Variants in SLC12A8 observed in about 807,000 individuals in gnomAD.
SLC12A8 encodes the protein solute carrier family 12 member 8.
A neutral mutation model predicts 75.6 loss-of-function variants in SLC12A8; 69 were observed. The ratio of observed to expected loss-of-function variants is 0.91; its 90% CI spans 0.75 to 1.11. The LOEUF (loss-of-function observed/expected upper bound fraction) is 1.11, where lower values mean the gene tolerates loss of function less well. Ranked by LOEUF, SLC12A8 falls within the 50% of genes most tolerant of loss-of-function variation. The pLI is 0.00. For missense variants in SLC12A8, 877 were observed against 896.7 expected (o/e 0.98, Z 0.28); for synonymous variants, 365 against 372.8 (o/e 0.98, Z 0.24).
intron 8 of SLC12A8, among the ~76,000 whole-genome samples, chr3:125,111,977 T>C (rs1325816023): frequency 6.6e-6 from 1 of 152,170 alleles, no homozygotes; most frequent in African/African-American, 2.4e-5. Context: ...GGATGGATTC[T>C]CACCAGCTCT....
At chr3:125,157,779 C>A (rs1273726315) in intron 5 of SLC12A8, among the ~76,000 whole-genome samples, 1 of 152,212 alleles carries the variant, frequency 6.6e-6, no homozygotes, top group Non-Finnish European at 1.5e-5. Flanking sequence ...ACCCCAAGGT[C>A]AAGGTTCTTC....
chr3:125,135,768 C>T lies in SLC12A8; in HGVS notation c.637G>A (p.Gly213Arg). The change falls in exon 6 of 14, where the codon GGA becomes AGA. Residue 213 changes from glycine to arginine, a missense_variant. Gly to Arg is a moderately radical substitution (Grantham distance 125). Transcript: ENST00000469902. ...THLDPEHGFI[G>R]YSPELLQNNT... is the part of the protein sequence containing the mutation. ...TTCTGTAGCAGTTCGGGTGAATATC[C>T]AATGAAACCATGTTCTGAAATAAAG... 2 of 1,600,238 alleles carry T rather than the reference C, an allele frequency of 1.2e-6. No individual in the cohort carries two copies. The highest frequency in any genetic ancestry group is 2.7e-5 in the African/African-American group (2 of 74,580).
At chr3:125,101,523 C>T (rs1437506733) in intron 10 of SLC12A8, among the ~76,000 whole-genome samples, 1 of 152,176 alleles carries the variant, frequency 6.6e-6, no homozygotes, top group African/African-American at 2.4e-5. Flanking sequence ...ATGCTTTCAT[C>T]AGTTGTGTTT....
At chr3:125,199,729 G>C (rs1423667102) in intron 2 of SLC12A8, among the ~76,000 whole-genome samples, 1 of 151,946 alleles carries the variant, frequency 6.6e-6, no homozygotes, top group East Asian at 1.9e-4. Flanking sequence ...CTGGGTGACA[G>C]AGCAAGACCT....
rs78218586 is a variant in SLC12A8, at chr3:125,162,142, G to A, written c.622+15601C>T. On this transcript the variant is annotated intron_variant, in intron 5 of 13. Transcript: ENST00000469902. Reference sequence around the variant, plus strand: ...CCATCGCCCAGGCGACTGCAGATAAGCAGCTAAGGGGCTAGGGTTCTCCAC... The same window carrying A: ...CCATCGCCCAGGCGACTGCAGATAAACAGCTAAGGGGCTAGGGTTCTCCAC... Among the ~76,000 whole-genome samples, 290 of 152,384 alleles carry A rather than the reference G, an allele frequency of 1.9e-3. 2 individuals are homozygous for A. Among genetic ancestry groups the A allele is most frequent in the African/African-American group, 6.6e-3 (276 of 41,588 alleles).
intron 13 of SLC12A8, among the ~76,000 whole-genome samples, chr3:125,087,609 G>C (rs80280413): frequency 0.049 from 7,400 of 152,180 alleles, 341 homozygotes; most frequent in African/African-American, 0.11. Flanking sequence ...TTCCTAGCCT[G>C]CAGCTCTAGC....
At chr3:125,187,472 GC>G in intron 3 of SLC12A8, 44 bp from the exon 4 acceptor site, 1 of 1,574,236 alleles carries the variant, frequency 6.4e-7, no homozygotes. Flanking sequence ...AGGTGAGGAG[GC>G]CCCGCCAGCT....
At chr3:125,172,384 T>A (rs1934422833) in intron 5 of SLC12A8, among the ~76,000 whole-genome samples, 1 of 151,950 alleles carries the variant, frequency 6.6e-6, no homozygotes, top group Non-Finnish European at 1.5e-5. Flanking sequence ...AGAAGTCAGT[T>A]ACCCCTTGTC....
intron 6 of SLC12A8, among the ~76,000 whole-genome samples, chr3:125,134,809 G>A (rs1034891369): frequency 1.3e-5 from 2 of 152,192 alleles, no homozygotes; most frequent in African/African-American, 4.8e-5. Flanking sequence ...GGGACAACAA[G>A]TAAGGAAATG....
intron 5 of SLC12A8, among the ~76,000 whole-genome samples, chr3:125,154,432 C>T (rs1934001359): frequency 6.6e-6 from 1 of 152,172 alleles, no homozygotes; most frequent in African/African-American, 2.4e-5. Context: ...CCTCTCTGAA[C>T]ATCAGTTATC....
intron 2 of SLC12A8, among the ~76,000 whole-genome samples, chr3:125,202,731 G>A (rs748204295): frequency 6.0e-5 from 9 of 151,112 alleles, no homozygotes; most frequent in Non-Finnish European, 8.8e-5. Flanking sequence ...TGAGAACTAC[G>A]AAACACTGAT....
chr3:125,158,372 C>G (rs903838714), intron 5 of SLC12A8, among the ~76,000 whole-genome samples: 1 of 152,108 alleles, frequency 6.6e-6, no homozygotes, highest in African/African-American at 2.4e-5. Flanking sequence ...AGGCATGTGC[C>G]ACCACGCCCA....
At chr3:125,201,045 T>TA (rs1300241624) in intron 2 of SLC12A8, among the ~76,000 whole-genome samples, 1 of 152,232 alleles carries the variant, frequency 6.6e-6, no homozygotes, top group Non-Finnish European at 1.5e-5. Context: ...TTTACCACAC[T>TA]ACCCTTTTTT....
At chr3:125,153,341 A>G (rs1331073580) in intron 5 of SLC12A8, among the ~76,000 whole-genome samples, 1 of 152,192 alleles carries the variant, frequency 6.6e-6, no homozygotes, top group African/African-American at 2.4e-5. Context: ...CGTGCCATCA[A>G]CATCCAAGGT....
intron 5 of SLC12A8, among the ~76,000 whole-genome samples, chr3:125,165,297 G>A (rs1301558145): frequency 2.6e-5 from 4 of 152,236 alleles, no homozygotes; most frequent in East Asian, 3.8e-4. Context: ...GGTTGAGCCC[G>A]CTGTCCTGGG....
At chr3:125,167,570 AAGAC>A (rs1463679512) in intron 5 of SLC12A8, among the ~76,000 whole-genome samples, 1 of 152,208 alleles carries the variant, frequency 6.6e-6, no homozygotes, top group Non-Finnish European at 1.5e-5. Flanking sequence ...CAGCCATGCT[AAGAC>A]AGGCAGGAAG....
intron 2 of SLC12A8, among the ~76,000 whole-genome samples, chr3:125,205,693 T>C (rs1449415232): frequency 6.6e-6 from 1 of 152,222 alleles, no homozygotes; most frequent in Non-Finnish European, 1.5e-5. Context: ...CTTCCGTCCA[T>C]TGACCAGAGG....
At chr3:125,200,749 C>T (rs1472735390) in intron 2 of SLC12A8, among the ~76,000 whole-genome samples, 1 of 152,134 alleles carries the variant, frequency 6.6e-6, no homozygotes, top group Non-Finnish European at 1.5e-5. Flanking sequence ...TTTGTTTTTG[C>T]TTTGTGTTAT....
intron 10 of SLC12A8, among the ~76,000 whole-genome samples, chr3:125,098,676 G>C (rs960772465): frequency 1.3e-5 from 2 of 151,718 alleles, no homozygotes; most frequent in African/African-American, 4.8e-5. Flanking sequence ...AAATTGAGAA[G>C]TATTTATTTT....
Sources: allele counts gnomAD v4.1 joint callset (sites outside exome capture counted in the v4.1 genomes callset), GRCh38; gene constraint gnomAD v4.1.1; transcripts MANE v1.5; gene names NCBI Gene and HGNC (gene_info 2026-07-23, HGNC 2026-07-21).